The following SCAI variants were observed in gnomAD, a reference collection of about 807,000 sequenced individuals.
SCAI encodes protein SCAI.
SCAI carries 24 observed loss-of-function variants against 92.2 expected under a neutral mutation model. The ratio of observed to expected loss-of-function variants is 0.26; its 90% confidence interval spans 0.19 to 0.37. SCAI has a LOEUF of 0.37. Ranked by LOEUF, SCAI falls within the 10% of genes least tolerant of loss-of-function variation. SCAI has a pLI of 1.00. For missense variants in SCAI, 450 were observed against 736.2 expected, an observed-to-expected ratio of 0.61 and a Z score of 4.50; for synonymous variants, 261 against 258.6, an observed-to-expected ratio of 1.01 and a Z score of -0.09.
chr9:125,032,549 C>T (rs564220837), intron 3 of SCAI, among the ~76,000 whole-genome samples: 13 of 150,990 alleles, frequency 8.6e-5, no homozygotes, highest in African/African-American at 2.7e-4. Context: ...TCACCCACCT[C>T]GCTGTTGGGC....
At chr9:125,046,569 C>T (rs1452022906) in intron 3 of SCAI, among the ~76,000 whole-genome samples, 2 of 149,944 alleles carry the variant, frequency 1.3e-5, no homozygotes, top group African/African-American at 2.5e-5. Context: ...GTAGGAGGGG[C>T]GTGAGGAACA....
chr9:125,073,833 C>A (rs143712467), intron 2 of SCAI, among the ~76,000 whole-genome samples: 42 of 152,200 alleles, frequency 2.8e-4, no homozygotes, highest in African/African-American at 9.9e-4. Context: ...TGAAAGGTTT[C>A]TTTTCCCTGT....
intron 14 of SCAI, among the ~76,000 whole-genome samples, chr9:124,979,994 G>T (rs1329723898): frequency 6.7e-6 from 1 of 149,990 alleles, no homozygotes; most frequent in Non-Finnish European, 1.5e-5. Context: ...AGGTTGCAGT[G>T]AGCTGAGATC....
chr9:125,025,764 A>T (rs1160111770), intron 6 of SCAI, among the ~76,000 whole-genome samples: 2 of 152,258 alleles, frequency 1.3e-5, no homozygotes, highest in African/African-American at 2.4e-5. Context: ...TGAACAAGAC[A>T]TGCAAGGAAA....
chr9:125,030,035 C>T (rs1031896208), intron 3 of SCAI, among the ~76,000 whole-genome samples: 7 of 152,166 alleles, frequency 4.6e-5, no homozygotes, highest in African/African-American at 1.7e-4. Context: ...TTCACACTCA[C>T]TTATATACTG....
chr9:125,036,055 C>T (rs528689592), intron 3 of SCAI, among the ~76,000 whole-genome samples: 2 of 152,232 alleles, frequency 1.3e-5, no homozygotes, highest in Admixed American at 6.5e-5. Flanking sequence ...GGGGCTGAGG[C>T]GGGATGACTG....
intron 2 of SCAI, among the ~76,000 whole-genome samples, chr9:125,112,988 C>A (rs1293489556): frequency 2.0e-5 from 3 of 152,092 alleles, no homozygotes; most frequent in Non-Finnish European, 4.4e-5. Context: ...TCCATGAGTC[C>A]AATTACATAA....
At chr9:125,030,182 A>G (rs1833045073) in intron 3 of SCAI, among the ~76,000 whole-genome samples, 1 of 152,212 alleles carries the variant, frequency 6.6e-6, no homozygotes. Context: ...CTATAAGATA[A>G]ATATACATCC....
Position 125,020,820 on chromosome 9 carries a change from TTGA to T in SCAI, c.513-54_513-52del, listed in dbSNP as rs1313042332. 3 of 809,988 alleles carry T rather than the reference TTGA, an allele frequency of 3.7e-6. No individual in the cohort carries two copies. In the African/African-American group the frequency reaches 5.4e-5, roughly 15 times the overall value. 50.2% of individuals were successfully genotyped at this position (809,988 alleles called of 1,614,324 possible). Reference sequence around the variant, plus strand: ...TCATTAGATTAAAAAAGAATGCTTTTTGATTTTTTTAATTTTCTGATAGCTTTT... The same window carrying T: ...TCATTAGATTAAAAAAGAATGCTTTTTTTTTTTAATTTTCTGATAGCTTTT... On this transcript the variant is annotated intron_variant, in intron 6 of 17. Coordinates refer to ENST00000336505, the MANE Select transcript of SCAI (RefSeq NM_001144877.3).
intron 9 of SCAI, among the ~76,000 whole-genome samples, chr9:125,014,256 G>A (rs982403219): frequency 2.0e-5 from 3 of 152,220 alleles, no homozygotes; most frequent in Non-Finnish European, 2.9e-5. Context: ...GTTTGCAGAC[G>A]ACATGATTGT....
intron 15 of SCAI, among the ~76,000 whole-genome samples, chr9:124,972,639 C>T (rs1433224756): frequency 6.6e-6 from 1 of 152,168 alleles, no homozygotes; most frequent in Non-Finnish European, 1.5e-5. Context: ...TCAAAGGCAC[C>T]TCAAACTCAA....
At chr9:125,021,642 A>G (rs1832872319) in intron 6 of SCAI, among the ~76,000 whole-genome samples, 1 of 152,214 alleles carries the variant, frequency 6.6e-6, no homozygotes, top group South Asian at 2.1e-4. Flanking sequence ...CATATCCTAC[A>G]TCACAAATAA....
chr9:125,088,913 A>G (rs11794826), intron 2 of SCAI, among the ~76,000 whole-genome samples: 13,920 of 152,206 alleles, frequency 0.091, 858 homozygotes, highest in Non-Finnish European at 0.13. Context: ...TAGAGTGTTT[A>G]GCGGCATCCC....
In SCAI at chr9:124,991,816, G is replaced by A. The variant is rs550394341; in HGVS notation, c.1326+3118C>T. Among the ~76,000 whole-genome samples, 58 of 152,238 alleles carry A rather than the reference G, an allele frequency of 3.8e-4. No homozygotes were observed. In the East Asian group the frequency reaches 6.6e-3, roughly 17 times the overall value. ...TGCACCACTGTACTCCAGCCTGGGC[G>A]ACAGAGCAAGACTCTGTCTCAAAAA... On this transcript the variant is annotated intron_variant, in intron 14 of 17. Coordinates refer to ENST00000336505, the MANE Select transcript of SCAI (RefSeq NM_001144877.3).
chr9:125,074,841 C>T (rs906098779), intron 2 of SCAI, among the ~76,000 whole-genome samples: 5 of 151,752 alleles, frequency 3.3e-5, no homozygotes, highest in Non-Finnish European at 7.4e-5. Flanking sequence ...CCCGTTCCTA[C>T]TAAAAATACA....
rs1379621049 is a variant in SCAI at position 125,026,825 on chromosome 9, T to C, written c.499A>G (p.Asn167Asp). 1.3e-6 allele frequency: 2 copies of C among 1,551,510 alleles called. No homozygotes were observed. Among genetic ancestry groups the C allele is most frequent in the South Asian group, 2.3e-5 (2 of 88,686 alleles). ...GCAGATACATACCTGTCCTCTTTAT[T>C]GACTTGAGAATAATATGATCTCTGT... ...IRQRSYYSQVNKEDRPELVVK... is the reference protein window; with the variant it reads ...IRQRSYYSQVDKEDRPELVVK... The change falls in exon 6 of 18, where the codon AAT becomes GAT. Residue 167 changes from asparagine to aspartate, a missense_variant. This residue lies in a region of SCAI where 360 missense variants were observed against 601.8 expected (regional missense o/e 0.60). Coordinates refer to ENST00000336505, the MANE Select transcript of SCAI (RefSeq NM_001144877.3).
chr9:124,971,706 T>C lies in SCAI; in HGVS notation c.1538A>G (p.Asp513Gly). The change falls in exon 16 of 18, where the codon GAT becomes GGT. Residue 513 changes from aspartate (D) to glycine (G), a missense_variant. Physicochemically the swap from Asp to Gly is moderately conservative, Grantham distance 94. This residue lies in a region of SCAI where 360 missense variants were observed against 601.8 expected (regional missense o/e 0.60). Coordinates refer to ENST00000336505, the MANE Select transcript of SCAI (RefSeq NM_001144877.3). ...CQEYLRKINR[D>G]IAQLLTHSRS... is the part of the protein sequence containing the mutation. ...TGAATGAGTCAGTAGCTGGGCAATA[T>C]CACGGTTGATTTTTCGAAGATATTC... 4 of 1,610,692 alleles carry C rather than the reference T, an allele frequency of 2.5e-6. No homozygotes were observed. The highest frequency in any genetic ancestry group is 2.5e-6 in the Non-Finnish European group (3 of 1,179,020).
chr9:124,995,060 T>C, intron 13 of SCAI, 45 bp from the exon 14 acceptor site: 1 of 1,399,114 alleles, frequency 7.1e-7, no homozygotes. Context: ...GTCAGCCACA[T>C]CTCAGAAATC....
intron 9 of SCAI, among the ~76,000 whole-genome samples, chr9:125,008,638 G>A (rs1832565869): frequency 6.6e-6 from 1 of 152,074 alleles, no homozygotes; most frequent in Non-Finnish European, 1.5e-5. Flanking sequence ...GAAGTCAACA[G>A]AAAACAGCCT....
Sources: gnomAD v4.1 joint callset for allele counts (sites outside exome capture counted in the v4.1 genomes callset) on GRCh38, gnomAD v4.1.1 for gene constraint, gnomAD v4.1.1 regional missense constraint, MANE v1.5 for transcripts, NCBI Gene and HGNC (gene_info 2026-07-23, HGNC 2026-07-21) for gene names.